The following AGBL4 variants were observed in gnomAD, a reference collection of about 807,000 sequenced individuals.
AGBL4 encodes the protein cytosolic carboxypeptidase 6.
Under a neutral mutation model 66.4 loss-of-function variants are expected in AGBL4, and 58 were observed. The ratio of observed to expected loss-of-function variants is 0.87; its 90% CI spans 0.71 to 1.09. The LOEUF (loss-of-function observed/expected upper bound fraction) is 1.09, where lower values mean the gene tolerates loss of function less well. Among genes scored for constraint, AGBL4 ranks in the 50% least tolerant of loss-of-function variants. The pLI is 0.00. For missense variants in AGBL4, 579 were observed against 631.0 expected (o/e 0.92, Z 0.88); for synonymous variants, 234 against 222.9 (o/e 1.05, Z -0.44).
At chr1:49,643,397 G>A (rs1008564740) in intron 3 of AGBL4, among the ~76,000 whole-genome samples, 1 of 151,562 alleles carries the variant, frequency 6.6e-6, no homozygotes, top group African/African-American at 2.4e-5. Context: ...AAAGGAAATG[G>A]AAGAGAGATA....
chr1:49,258,019 C>G (rs1440430653), intron 3 of AGBL4, among the ~76,000 whole-genome samples: 2 of 152,184 alleles, frequency 1.3e-5, no homozygotes, highest in Non-Finnish European at 2.9e-5. Context: ...ATCCACGGTT[C>G]TGCAGACCCC....
chr1:49,918,430 A>G (rs567912134), intron 1 of AGBL4, among the ~76,000 whole-genome samples: 5 of 151,700 alleles, frequency 3.3e-5, no homozygotes, highest in South Asian at 2.1e-4. Context: ...CAGAAATACA[A>G]ACTACCATCA....
intron 4 of AGBL4, among the ~76,000 whole-genome samples, chr1:49,234,343 C>G (rs994703299): frequency 3.9e-5 from 6 of 152,114 alleles, no homozygotes; most frequent in Non-Finnish European, 8.8e-5. Context: ...CACCTAATCC[C>G]ATCTTGATAG....
At chr1:48,690,498 C>A (rs1460904858) in intron 6 of AGBL4, among the ~76,000 whole-genome samples, 2 of 152,150 alleles carry the variant, frequency 1.3e-5, no homozygotes, top group African/African-American at 4.8e-5. Context: ...AGTGTTCAAG[C>A]CCCTCCTTTT....
chr1:49,357,472 C>T (rs2148529819), intron 3 of AGBL4, among the ~76,000 whole-genome samples: 1 of 152,302 alleles, frequency 6.6e-6, no homozygotes, highest in Non-Finnish European at 1.5e-5. Context: ...GCAATGGGCT[C>T]TGCTGTCCTA....
At chr1:48,957,615 T>A (rs1197863427) in intron 5 of AGBL4, among the ~76,000 whole-genome samples, 1 of 152,224 alleles carries the variant, frequency 6.6e-6, no homozygotes, top group Non-Finnish European at 1.5e-5. Flanking sequence ...AACACTTCTT[T>A]CTGTGCGTTA....
intron 6 of AGBL4, among the ~76,000 whole-genome samples, chr1:48,714,904 G>A (rs1647025098): frequency 6.6e-6 from 1 of 152,216 alleles, no homozygotes; most frequent in Non-Finnish European, 1.5e-5. Flanking sequence ...CAGCCCCTAT[G>A]ATATGCTAGA....
chr1:48,883,537 C>T (rs138562169), intron 5 of AGBL4, among the ~76,000 whole-genome samples: 1 of 152,202 alleles, frequency 6.6e-6, no homozygotes, highest in Non-Finnish European at 1.5e-5. Context: ...GTCCCCACTG[C>T]GGATTGGTTT....
intron 4 of AGBL4, among the ~76,000 whole-genome samples, chr1:49,171,041 G>T (rs769291826): frequency 1.8e-4 from 28 of 152,150 alleles, no homozygotes; most frequent in Non-Finnish European, 2.8e-4. Context: ...CTTAAGGCCA[G>T]TCCAGACTGA....
chr1:49,499,183 T>C (rs971131051), intron 3 of AGBL4, among the ~76,000 whole-genome samples: 2 of 151,938 alleles, frequency 1.3e-5, no homozygotes, highest in African/African-American at 4.8e-5. Context: ...CATCAAGAGA[T>C]GGGTTTTCTT....
At chr1:49,884,753 G>A (rs977429616) in intron 1 of AGBL4, among the ~76,000 whole-genome samples, 12 of 151,644 alleles carry the variant, frequency 7.9e-5, no homozygotes, top group African/African-American at 2.9e-4. Context: ...TATATGCCTT[G>A]CTGACATTGG....
chr1:50,002,164 C>T (rs1660802653), intron 1 of AGBL4, among the ~76,000 whole-genome samples: 1 of 152,038 alleles, frequency 6.6e-6, no homozygotes, highest in African/African-American at 2.4e-5. Context: ...CTCCATTAAA[C>T]AAGACTCTGC....
At chr1:48,730,080 G>C (rs889477345) in intron 6 of AGBL4, among the ~76,000 whole-genome samples, 3 of 152,136 alleles carry the variant, frequency 2.0e-5, no homozygotes, top group Non-Finnish European at 4.4e-5. Flanking sequence ...ATCAGACTGA[G>C]TTAGGAGACC....
At chr1:49,063,920 G>T (rs17369068) in intron 4 of AGBL4, among the ~76,000 whole-genome samples, 18,282 of 152,258 alleles carry the variant, frequency 0.12, 1,505 homozygotes, top group Non-Finnish European at 0.18. Context: ...CATGCATAAA[G>T]GTTCAGAGCA....
chr1:48,817,859 G>A (rs1037659496), intron 6 of AGBL4: 2 of 602,214 alleles, frequency 3.3e-6, no homozygotes, highest in African/African-American at 3.7e-5. Context: ...TTCCCAGTGT[G>A]TGTTTTTGTG....
rs187479655 is a variant in AGBL4, at chr1:48,739,527, C to T, written c.635-76286G>A. 4.4e-4 allele frequency among the ~76,000 whole-genome samples: 67 copies of T among 152,264 alleles called. No individual in the cohort carries two copies. The Middle Eastern group carries it at 0.01, about 23-fold the overall frequency. On this transcript the variant is annotated intron_variant, in intron 6 of 13. Coordinates refer to ENST00000371839, the MANE Select transcript of AGBL4 (RefSeq NM_032785.4). ...TCATTTCCCGCTACTTCCAGTGTGC[C>T]GTAACATCAAGAGGATGGGTGCTGG... is the stretch of plus-strand genomic sequence containing the variant.
intron 3 of AGBL4, among the ~76,000 whole-genome samples, chr1:49,293,765 A>G (rs907347297): frequency 1.3e-5 from 2 of 152,352 alleles, no homozygotes; most frequent in Admixed American, 6.5e-5. Context: ...AGTTGTCAAC[A>G]GCTTAAGGGA....
chr1:49,005,344 C>T (rs1273534619), intron 5 of AGBL4, among the ~76,000 whole-genome samples: 2 of 152,268 alleles, frequency 1.3e-5, no homozygotes, highest in South Asian at 2.1e-4. Context: ...ATAAACAATT[C>T]ATAAGTTTTA....
chr1:49,403,669 G>A (rs2148615367), intron 3 of AGBL4, among the ~76,000 whole-genome samples: 1 of 152,254 alleles, frequency 6.6e-6, no homozygotes, highest in East Asian at 1.9e-4. Context: ...CAGTGTCTGG[G>A]CATTGAAGAG....
Sources: gnomAD v4.1 joint callset for allele counts (sites outside exome capture counted in the v4.1 genomes callset) on GRCh38, gnomAD v4.1.1 for gene constraint, MANE v1.5 for transcripts, NCBI Gene and HGNC (gene_info 2026-07-23, HGNC 2026-07-21) for gene names.